The following RALYL variants were observed in gnomAD, a reference collection of about 807,000 sequenced individuals.
RALYL encodes the protein RALY RNA binding protein like, also known as RNA-binding Raly-like protein.
RALYL carries 29 observed loss-of-function variants against 35.1 expected under a neutral mutation model. The observed-to-expected ratio is 0.83, with a 90% CI of 0.61 to 1.13. The LOEUF (loss-of-function observed/expected upper bound fraction) is 1.13. RALYL is among the 50% of genes most tolerant of loss of function. The pLI, the probability that RALYL is intolerant of heterozygous loss-of-function variation, is 0.00. For missense variants in RALYL, 359 were observed against 360.4 expected, an observed-to-expected ratio of 1.00 and a Z score of 0.03; for synonymous variants, 120 against 127.6, an observed-to-expected ratio of 0.94 and a Z score of 0.40.
At chr8:84,773,257 T>C (rs994281003) in intron 2 of RALYL, among the ~76,000 whole-genome samples, 1 of 152,250 alleles carries the variant, frequency 6.6e-6, no homozygotes, top group Non-Finnish European at 1.5e-5. Context: ...ACTTTCTTGC[T>C]AGTTTTATGT....
intron 2 of RALYL, among the ~76,000 whole-genome samples, chr8:84,619,351 C>T (rs1820689406): frequency 2.0e-5 from 3 of 151,098 alleles, no homozygotes; most frequent in African/African-American, 7.4e-5. Flanking sequence ...TATGTAATGG[C>T]CTTCTTTGTC....
chr8:84,197,073 C>G (rs1000855753), intron 1 of RALYL, among the ~76,000 whole-genome samples: 1 of 152,162 alleles, frequency 6.6e-6, no homozygotes, highest in Admixed American at 6.5e-5. Flanking sequence ...TATCCATGGC[C>G]TTGCAGAGAA....
intron 2 of RALYL, among the ~76,000 whole-genome samples, chr8:84,692,765 T>C (rs1191498710): frequency 2.0e-5 from 3 of 152,026 alleles, no homozygotes; most frequent in African/African-American, 7.2e-5. Flanking sequence ...TTGAGTCTTG[T>C]TGGTTGTAGC....
rs377753635 is a variant in RALYL at position 84,678,454 on chromosome 8, A to G, written c.257-96125A>G. 4.6e-5 allele frequency among the ~76,000 whole-genome samples: 7 copies of G among 152,112 alleles called. No homozygotes were observed. In the East Asian group the frequency reaches 7.8e-4, roughly 17 times the overall value. ...AATTTTTTTCACATTTTTAGTAGAC[A>G]CAGGGTTTCACCATGTTGGCCAGGC... On this transcript the variant is annotated intron_variant, in intron 2 of 8. Coordinates refer to ENST00000521268, the MANE Select transcript of RALYL (RefSeq NM_173848.7).
At chr8:84,293,679 C>G (rs1183934816) in intron 1 of RALYL, among the ~76,000 whole-genome samples, 1 of 152,140 alleles carries the variant, frequency 6.6e-6, no homozygotes, top group African/African-American at 2.4e-5. Flanking sequence ...AAATTGAATA[C>G]TAGACTATTC....
In RALYL at chr8:84,321,302, C is replaced by A. The variant is rs147638821; in HGVS notation, c.-24+136878C>A. Among the ~76,000 whole-genome samples the A allele has an allele frequency of 2.1e-3, 314 of 152,174 alleles. 1 individual carries two copies. The highest frequency in any genetic ancestry group is 6.9e-3 in the African/African-American group (287 of 41,530). On this transcript the variant is annotated intron_variant, in intron 1 of 8. Coordinates refer to ENST00000521268, the MANE Select transcript of RALYL (RefSeq NM_173848.7). ...AGCTGAATAAACTGAAAATCAATGA[C>A]ATTTTTTAGGCACATAAGAGAAATG...
intron 2 of RALYL, among the ~76,000 whole-genome samples, chr8:84,571,977 A>G (rs1318134094): frequency 6.6e-6 from 1 of 151,824 alleles, no homozygotes; most frequent in Non-Finnish European, 1.5e-5. Flanking sequence ...CTGAGAAGAC[A>G]TTTGATATGA....
intron 2 of RALYL, among the ~76,000 whole-genome samples, chr8:84,689,406 A>G (rs1444900172): frequency 6.6e-6 from 1 of 152,084 alleles, no homozygotes; most frequent in East Asian, 1.9e-4. Context: ...AAGGTCATGA[A>G]CTCATCATTT....
At chr8:84,730,206 C>A (rs1312145677) in intron 2 of RALYL, among the ~76,000 whole-genome samples, 2 of 151,940 alleles carry the variant, frequency 1.3e-5, no homozygotes, top group African/African-American at 4.8e-5. Context: ...GGGCTTCATC[C>A]CTGGGATGCA....
chr8:84,380,403 G>A (rs1287373319), intron 1 of RALYL, among the ~76,000 whole-genome samples: 1 of 151,766 alleles, frequency 6.6e-6, no homozygotes, highest in Non-Finnish European at 1.5e-5. Flanking sequence ...TCTATATCAA[G>A]AGCCACCCCT....
intron 1 of RALYL, among the ~76,000 whole-genome samples, chr8:84,366,790 AAG>A (rs1854389749): frequency 6.8e-6 from 1 of 147,958 alleles, no homozygotes; most frequent in Non-Finnish European, 1.5e-5. Context: ...AAAAAAAAAA[AAG>A]GGTATCCTGG....
intron 1 of RALYL, among the ~76,000 whole-genome samples, chr8:84,262,556 A>T (rs1832513550): frequency 6.6e-6 from 1 of 152,178 alleles, no homozygotes; most frequent in African/African-American, 2.4e-5. Flanking sequence ...ATACATTTAC[A>T]TATAATTTAA....
chr8:84,338,272 G>A (rs1848182951), intron 1 of RALYL, among the ~76,000 whole-genome samples: 1 of 151,844 alleles, frequency 6.6e-6, no homozygotes, highest in East Asian at 1.9e-4. Context: ...TCACAGAGTG[G>A]GACCATAGTG....
chr8:84,743,019 TTTCTC>T (rs1807746664), intron 2 of RALYL, among the ~76,000 whole-genome samples: 1 of 151,990 alleles, frequency 6.6e-6, no homozygotes, highest in African/African-American at 2.4e-5. Flanking sequence ...GACAGAGTCA[TTTCTC>T]TTCTGTTATT....
At chr8:84,804,343 CTCTCT>C (rs1824089756) in intron 3 of RALYL, among the ~76,000 whole-genome samples, 1 of 152,182 alleles carries the variant, frequency 6.6e-6, no homozygotes, top group African/African-American at 2.4e-5. Context: ...TATGCTGCTT[CTCTCT>C]TCTGAGTAAA....
chr8:84,500,571 C>T (rs1378660589), intron 1 of RALYL, among the ~76,000 whole-genome samples: 5 of 152,038 alleles, frequency 3.3e-5, no homozygotes, highest in East Asian at 3.9e-4. Context: ...TGTCTCCAGT[C>T]TGATACTAAT....
chr8:84,855,231 C>T (rs768105488), intron 5 of RALYL, among the ~76,000 whole-genome samples: 9 of 152,192 alleles, frequency 5.9e-5, no homozygotes, highest in African/African-American at 9.6e-5. Context: ...CCCTCACCTC[C>T]GGAAGTGTGG....
At chr8:84,770,664 C>T (rs1815249356) in intron 2 of RALYL, among the ~76,000 whole-genome samples, 2 of 152,070 alleles carry the variant, frequency 1.3e-5, no homozygotes, top group African/African-American at 4.8e-5. Context: ...CATTCCCCCA[C>T]CAGTGTAGAA....
chr8:84,757,804 C>A (rs552654729), intron 2 of RALYL, among the ~76,000 whole-genome samples: 36 of 152,184 alleles, frequency 2.4e-4, no homozygotes, highest in Non-Finnish European at 4.3e-4. Flanking sequence ...TATTTTCTTT[C>A]TTTAATGAAT....
Sources: allele counts gnomAD v4.1 joint callset (sites outside exome capture counted in the v4.1 genomes callset), GRCh38; gene constraint gnomAD v4.1.1; transcripts MANE v1.5; gene names NCBI Gene and HGNC (gene_info 2026-07-23, HGNC 2026-07-21).